IGFL2: variants seen among roughly 807,000 people sequenced by gnomAD.
IGFL2 encodes insulin growth factor-like family member 2.
A neutral mutation model predicts 13.9 loss-of-function variants in IGFL2; 7 were observed. That is an observed-to-expected ratio of 0.51 (90% CI 0.29 to 0.95). The LOEUF (loss-of-function observed/expected upper bound fraction) is 0.95. Among genes scored for constraint, IGFL2 ranks in the 40% least tolerant of loss-of-function variants. The probability of loss-of-function intolerance (pLI) is 0.08; values close to 1 mark genes in which losing one functional copy is unlikely to be tolerated. For synonymous variants in IGFL2, 55 were observed against 55.8 expected, an observed-to-expected ratio of 0.99 and a Z score of 0.07; for missense variants, 138 against 147.8, an observed-to-expected ratio of 0.93 and a Z score of 0.34.
the IGFL2 span, among the ~76,000 whole-genome samples, chr19:46,096,408 AG>A: frequency 6.6e-6 from 1 of 152,168 alleles, no homozygotes; most frequent in Admixed American, 6.5e-5. Context: ...TGTCAGCTTA[AG>A]GAGCTTTTGG....
chr19:46,184,941 T>C, the IGFL2 span, among the ~76,000 whole-genome samples: 2 of 152,240 alleles, frequency 1.3e-5, no homozygotes, highest in Non-Finnish European at 2.9e-5. Context: ...ATTGCCGTTC[T>C]AGCTGGCGTC....
chr19:46,204,055 C>T, the IGFL2 span: 1 of 152,134 alleles, frequency 6.6e-6, no homozygotes, highest in Admixed American at 6.5e-5. Context: ...TCACCAGATT[C>T]CTGTCTGTCA....
At chr19:46,206,097 T>G in the IGFL2 span, among the ~76,000 whole-genome samples, 4 of 152,224 alleles carry the variant, frequency 2.6e-5, no homozygotes, top group African/African-American at 7.2e-5. Flanking sequence ...CAGGGCTGTT[T>G]GACCACAAAG....
chr19:46,145,694 G>A (rs1464391100), upstream of IGFL2, among the ~76,000 whole-genome samples: 1 of 151,652 alleles, frequency 6.6e-6, no homozygotes, highest in Non-Finnish European at 1.5e-5. Context: ...TAGTAGATGG[G>A]AGATAGTATC....
chr19:46,173,892 G>A, the IGFL2 span: 97,288 of 152,140 alleles, frequency 0.64, 32,026 homozygotes, highest in African/African-American at 0.73. Flanking sequence ...ACAGAGTTTG[G>A]TACTTGGTAT....
upstream of IGFL2, among the ~76,000 whole-genome samples, chr19:46,141,071 C>T (rs1162503881): frequency 1.3e-5 from 2 of 152,176 alleles, no homozygotes; most frequent in Non-Finnish European, 2.9e-5. Context: ...CCTAAGTGAC[C>T]TGGAGGAAGA....
chr19:46,107,916 T>C, the IGFL2 span, among the ~76,000 whole-genome samples: 5 of 152,098 alleles, frequency 3.3e-5, no homozygotes, highest in South Asian at 1.0e-3. Context: ...TGCTAACTGA[T>C]TTGGGAAAGG....
chr19:46,182,804 C>T, the IGFL2 span, among the ~76,000 whole-genome samples: 1 of 151,902 alleles, frequency 6.6e-6, no homozygotes, highest in Admixed American at 6.6e-5. Context: ...CCTGCCTTTC[C>T]CTGCCTCCTC....
At chr19:46,116,125 C>T in the IGFL2 span, among the ~76,000 whole-genome samples, 3 of 152,104 alleles carry the variant, frequency 2.0e-5, no homozygotes, top group South Asian at 2.1e-4. Context: ...TACATGTGCA[C>T]AACATGCAGG....
chr19:46,112,353 T>C, the IGFL2 span, among the ~76,000 whole-genome samples: 1 of 152,176 alleles, frequency 6.6e-6, no homozygotes, highest in Non-Finnish European at 1.5e-5. Context: ...CCCCACCCCA[T>C]GTCAGAAATT....
At chr19:46,124,301 C>T in the IGFL2 span, 4 of 1,610,712 alleles carry the variant, frequency 2.5e-6, 1 homozygote, top group East Asian at 9.0e-5. Flanking sequence ...AGGAGGAAGA[C>T]TGTTATCCAG....
upstream of IGFL2, among the ~76,000 whole-genome samples, chr19:46,140,543 C>T (rs1441656294): frequency 2.0e-5 from 3 of 152,172 alleles, no homozygotes; most frequent in Non-Finnish European, 4.4e-5. Context: ...CTCCCAGTTT[C>T]TAGTCAAGCA....
At chr19:46,112,398 A>G in the IGFL2 span, among the ~76,000 whole-genome samples, 5,259 of 152,234 alleles carry the variant, frequency 0.035, 137 homozygotes, top group East Asian at 0.071. Context: ...TGTTTTTCCA[A>G]TGAGAAAGGA....
intron 1 of IGFL2, among the ~76,000 whole-genome samples, chr19:46,155,031 G>A (rs1973738223): frequency 6.6e-6 from 1 of 152,098 alleles, no homozygotes. Flanking sequence ...AACACTGGGA[G>A]GGGGTGGTAG....
chr19:46,142,663 A>T (rs1379952628), upstream of IGFL2, among the ~76,000 whole-genome samples: 1 of 152,242 alleles, frequency 6.6e-6, no homozygotes, highest in Non-Finnish European at 1.5e-5. Flanking sequence ...GACAGATATT[A>T]TTACTGGGAC....
At chr19:46,195,491 A>G in the IGFL2 span, among the ~76,000 whole-genome samples, 5 of 152,166 alleles carry the variant, frequency 3.3e-5, no homozygotes, top group South Asian at 2.1e-4. Flanking sequence ...TGATGTGCCA[A>G]CCTTTTATGA....
chr19:46,136,972 T>G, the IGFL2 span: 8 of 1,456,578 alleles, frequency 5.5e-6, no homozygotes, highest in Non-Finnish European at 7.7e-6. Context: ...TGTATATCTG[T>G]GTTTTGTCCC....
chr19:46,079,735 T>C, the IGFL2 span, among the ~76,000 whole-genome samples: 3 of 151,992 alleles, frequency 2.0e-5, no homozygotes, highest in Non-Finnish European at 2.9e-5. Context: ...GTTGTAAATA[T>C]CCAAAGCGAC....
the IGFL2 span, chr19:46,197,078 G>A: frequency 3.1e-4 from 69 of 219,794 alleles, no homozygotes; most frequent in Non-Finnish European, 5.9e-4. Flanking sequence ...AAGATGTGGG[G>A]ACACGTTCTG....
Sources: gnomAD v4.1 joint callset for allele counts (sites outside exome capture counted in the v4.1 genomes callset) on GRCh38, gnomAD v4.1.1 for gene constraint, MANE v1.5 for transcripts, NCBI Gene and HGNC (gene_info 2026-07-23, HGNC 2026-07-21) for gene names.